CASTOR2: variants seen among roughly 807,000 people sequenced by gnomAD.
CASTOR2 encodes the protein cytosolic arginine sensor for mTORC1 subunit 2, also known as GATS protein like 2.
Under a neutral mutation model 31.2 loss-of-function variants are expected in CASTOR2, and 8 were observed. The observed-to-expected ratio is 0.26, with a 90% CI of 0.15 to 0.46. The LOEUF (loss-of-function observed/expected upper bound fraction) is 0.46, where lower values mean the gene tolerates loss of function less well. Ranked by LOEUF, CASTOR2 falls within the 20% of genes least tolerant of loss-of-function variation. The pLI is 0.99. For missense variants in CASTOR2, 216 were observed against 382.1 expected, an observed-to-expected ratio of 0.57 and a Z score of 3.62; for synonymous variants, 162 against 158.7, an observed-to-expected ratio of 1.02 and a Z score of -0.16.
rs1805103577 is a variant in CASTOR2 at position 75,025,532 on chromosome 7, G to A, written c.*833G>A. On this transcript the variant is annotated 3_prime_UTR_variant, in exon 9 of 9. Coordinates refer to ENST00000616305, the MANE Select transcript of CASTOR2 (RefSeq NM_001145064.3). Reference sequence around the variant, plus strand: ...CAGTAGGGACATCCCTGGCTTTCCAGGCCTGAGGTTTCTTAGGTGGTGTCC... The same window carrying A: ...CAGTAGGGACATCCCTGGCTTTCCAAGCCTGAGGTTTCTTAGGTGGTGTCC... 6.6e-6 allele frequency among the ~76,000 whole-genome samples: 1 copy of A among 152,182 alleles called. No individual in the cohort carries two copies. The highest frequency in any genetic ancestry group is 2.4e-5 in the African/African-American group (1 of 41,446).
Position 75,025,318 on chromosome 7 carries a change from C to T in CASTOR2, c.*619C>T, listed in dbSNP as rs963388838. The stretch of plus-strand genomic sequence containing the variant: ...CAGACTCCCCCTGTACCTCGCCTGC[C>T]AACCACAGGGCCTGGGCCCGACTCC... On this transcript the variant is annotated 3_prime_UTR_variant, in exon 9 of 9. Coordinates refer to ENST00000616305, the MANE Select transcript of CASTOR2 (RefSeq NM_001145064.3). Among the ~76,000 whole-genome samples, 1 of 152,340 alleles carries T rather than the reference C, an allele frequency of 6.6e-6. No homozygotes were observed. Among genetic ancestry groups the T allele is most frequent in the South Asian group, 2.1e-4 (1 of 4,830 alleles).
At chr7:75,019,124 C>G in intron 5 of CASTOR2, 29 bp downstream of exon 5, 1 of 1,551,700 alleles carries the variant, frequency 6.4e-7, no homozygotes, top group Non-Finnish European at 8.7e-7. Flanking sequence ...TGAGGGGTTG[C>G]AGGGTGGGCC....
At position 75,028,689 on chromosome 7, in the gene CASTOR2, G is replaced by T. The variant is rs965427578; in HGVS notation, c.*3990G>T. ...ACACCCCTTCCTCCCTCAGCCCGTC[G>T]TCCTAACCCAGCAAAGATCTGGGCA... On this transcript the variant is annotated 3_prime_UTR_variant, in exon 9 of 9. Transcript: ENST00000616305. 1.3e-5 allele frequency among the ~76,000 whole-genome samples: 2 copies of T among 152,014 alleles called. No homozygotes were observed. The highest frequency in any genetic ancestry group is 2.9e-5 in the Non-Finnish European group (2 of 67,992).
chr7:74,997,034 C>T (rs1254294055), intron 1 of CASTOR2, among the ~76,000 whole-genome samples: 2 of 148,518 alleles, frequency 1.3e-5, no homozygotes, highest in East Asian at 2.0e-4. Flanking sequence ...CGCGCCCAGC[C>T]GCCTGGTGCT....
intron 1 of CASTOR2, among the ~76,000 whole-genome samples, chr7:75,003,607 G>A (rs1319921593): frequency 6.6e-6 from 1 of 152,044 alleles, no homozygotes; most frequent in Non-Finnish European, 1.5e-5. Flanking sequence ...AAAATTAGTT[G>A]GGCGTGGTGG....
intron 7 of CASTOR2, among the ~76,000 whole-genome samples, chr7:75,022,956 A>G (rs1447826532): frequency 6.6e-6 from 1 of 152,238 alleles, no homozygotes; most frequent in Non-Finnish European, 1.5e-5. Context: ...TAATTGTCAC[A>G]TATCTCCCAG....
At chr7:75,011,280 T>C (rs1222947211) in intron 2 of CASTOR2, among the ~76,000 whole-genome samples, 1 of 150,166 alleles carries the variant, frequency 6.7e-6, no homozygotes, top group Non-Finnish European at 1.5e-5. Flanking sequence ...AATACAAAAA[T>C]TACCCGGGCA....
At chr7:75,008,360 A>G (rs1179029643) in intron 2 of CASTOR2, among the ~76,000 whole-genome samples, 4 of 152,152 alleles carry the variant, frequency 2.6e-5, no homozygotes, top group African/African-American at 9.7e-5. Context: ...CCAGCTGAGA[A>G]TTAGATCAAC....
Position 75,026,372 on chromosome 7 carries a change from A to G in CASTOR2, c.*1673A>G, listed in dbSNP as rs1233908956. On this transcript the variant is annotated 3_prime_UTR_variant, in exon 9 of 9. Coordinates refer to ENST00000616305, the MANE Select transcript of CASTOR2 (RefSeq NM_001145064.3). ...GTCTGGCTAGTTATTGTATTTTTTAATAGAGACGGGATTTCGTAACATTGC... is the reference window on the plus strand; with the variant it reads ...GTCTGGCTAGTTATTGTATTTTTTAGTAGAGACGGGATTTCGTAACATTGC... 2.0e-5 allele frequency among the ~76,000 whole-genome samples: 3 copies of G among 151,272 alleles called. No homozygotes were observed. Among genetic ancestry groups the G allele is most frequent in the Non-Finnish European group, 2.9e-5 (2 of 67,832 alleles).
chr7:74,997,505 A>G (rs1359880678), intron 1 of CASTOR2, among the ~76,000 whole-genome samples: 22 of 150,702 alleles, frequency 1.5e-4, no homozygotes, highest in Non-Finnish European at 2.5e-4. Context: ...AGCTCACTGC[A>G]GCCTCGAACT....
chr7:74,984,039 A>G (rs1169741967), intron 1 of CASTOR2, among the ~76,000 whole-genome samples: 5 of 150,726 alleles, frequency 3.3e-5, no homozygotes, highest in African/African-American at 4.9e-5. Context: ...TCGGCCTCCA[A>G]AAGTGCTGTG....
chr7:75,029,402 G>T lies in CASTOR2; in HGVS notation c.*4703G>T, dbSNP rs1805235173. Among the ~76,000 whole-genome samples, 1 of 149,820 alleles carries T rather than the reference G, an allele frequency of 6.7e-6. No homozygotes were observed. The highest frequency in any genetic ancestry group is 2.5e-5 in the African/African-American group (1 of 40,572). ...TTTTTGAGACAGGCTGGAGTGCAGT[G>T]GTGCGATCTCGGTTCGCTGCAACCT... On this transcript the variant is annotated 3_prime_UTR_variant, in exon 9 of 9. Coordinates refer to ENST00000616305, the MANE Select transcript of CASTOR2 (RefSeq NM_001145064.3).
chr7:74,997,968 C>T (rs782612484), intron 1 of CASTOR2, among the ~76,000 whole-genome samples: 34 of 152,184 alleles, frequency 2.2e-4, no homozygotes, highest in Admixed American at 9.2e-4. Flanking sequence ...GTTTTTGTTA[C>T]TGAGAACAGG....
At position 75,001,856 on chromosome 7, in the gene CASTOR2, G is replaced by C. The variant is rs1262717988; in HGVS notation, c.114-6138G>C. 6.0e-3 allele frequency among the ~76,000 whole-genome samples: 920 copies of C among 152,252 alleles called. 9 individuals carry two copies. The highest frequency in any genetic ancestry group is 0.02 in the African/African-American group (837 of 41,550). On this transcript the variant is annotated intron_variant, in intron 1 of 8. Coordinates refer to ENST00000616305, the MANE Select transcript of CASTOR2 (RefSeq NM_001145064.3). ...GCACTCGGCACTGTCATGCGCAGTT[G>C]GATGGGTTGTGCACTGCACAACTCT...
In CASTOR2 at chr7:75,009,515, A is replaced by G. The variant is rs1554439127; in HGVS notation, c.184+1451A>G. ...GATCTCCTGACCTCGTGATCCACCC[A>G]CCTCGGCCTCCCAAAATGCTGGGAT... is the stretch of plus-strand genomic sequence containing the variant. On this transcript the variant is annotated intron_variant, in intron 2 of 8. Coordinates refer to ENST00000616305, the MANE Select transcript of CASTOR2 (RefSeq NM_001145064.3). Among the ~76,000 whole-genome samples the G allele has an allele frequency of 6.2e-3, 940 of 150,814 alleles. 3 individuals carry two copies. Among genetic ancestry groups the G allele is most frequent in the Middle Eastern group, 0.024 (7 of 286 alleles).
chr7:75,006,338 A>G (rs1347396266), intron 1 of CASTOR2, among the ~76,000 whole-genome samples: 1 of 151,990 alleles, frequency 6.6e-6, no homozygotes, highest in African/African-American at 2.4e-5. Context: ...GCCATTTTGT[A>G]CTCCCACCAG....
At position 74,987,277 on chromosome 7, in the gene CASTOR2, A is replaced by T. The variant is rs1261366994; in HGVS notation, c.114-20717A>T. Among the ~76,000 whole-genome samples, 24 of 151,900 alleles carry T rather than the reference A, an allele frequency of 1.6e-4. No individual in the cohort carries two copies. In the East Asian group the frequency reaches 1.9e-3, roughly 12 times the overall value. On this transcript the variant is annotated intron_variant, in intron 1 of 8. Coordinates refer to ENST00000616305, the MANE Select transcript of CASTOR2 (RefSeq NM_001145064.3). ...AAAATTATCCGGGCCTGGTGGCGGG[A>T]GCCTGTAATCTCAGCTACTCGGGAG...
chr7:74,987,200 T>A (rs1584462682), intron 1 of CASTOR2, among the ~76,000 whole-genome samples: 1 of 150,680 alleles, frequency 6.6e-6, no homozygotes, highest in Non-Finnish European at 1.5e-5. Flanking sequence ...AGGTCAGGAG[T>A]TCAAGACCAG....
chr7:74,990,220 C>T (rs1226575468), intron 1 of CASTOR2, among the ~76,000 whole-genome samples: 2 of 151,672 alleles, frequency 1.3e-5, no homozygotes, highest in African/African-American at 4.8e-5. Context: ...AACCCCGTCT[C>T]TACTAAAAAT....
Sources: allele counts gnomAD v4.1 joint callset (sites outside exome capture counted in the v4.1 genomes callset), GRCh38; gene constraint gnomAD v4.1.1; transcripts MANE v1.5; gene names NCBI Gene and HGNC (gene_info 2026-07-23, HGNC 2026-07-21).